TRIM24: variants seen among roughly 807,000 people sequenced by gnomAD.
TRIM24 encodes tripartite motif containing 24.
Under a neutral mutation model 123.9 loss-of-function variants are expected in TRIM24, and 29 were observed. The observed-to-expected ratio is 0.23, with a 90% CI of 0.17 to 0.32. The LOEUF (loss-of-function observed/expected upper bound fraction) is 0.32. Ranked by LOEUF, TRIM24 falls within the 10% of genes least tolerant of loss-of-function variation. TRIM24 has a pLI of 1.00. For missense variants in TRIM24, 932 were observed against 1,295.3 expected (o/e 0.72, Z 4.31); for synonymous variants, 456 against 461.1 (o/e 0.99, Z 0.14).
Position 138,554,355 on chromosome 7 carries a change from TCAAA to T in TRIM24, c.1262-340_1262-337del, listed in dbSNP as rs1022983162. Among the ~76,000 whole-genome samples the T allele has an allele frequency of 3.3e-5, 5 of 152,228 alleles. No homozygotes were observed. The highest frequency in any genetic ancestry group is 6.5e-5 in the Admixed American group (1 of 15,282). ...TGATTTCAGCTATTAAGCCAGACAT[TCAAA>T]CAGATTTTTTAAAACATCAAACAGT... On this transcript the variant is annotated intron_variant, in intron 8 of 18. Coordinates refer to ENST00000343526, the MANE Select transcript of TRIM24 (RefSeq NM_015905.3). The surrounding 1 kb of genome is among the most constrained non-coding windows in gnomAD (Gnocchi z 4.5).
intron 1 of TRIM24, among the ~76,000 whole-genome samples, chr7:138,464,033 C>G (rs1353221806): frequency 1.3e-5 from 1 of 77,560 alleles, no homozygotes; most frequent in Non-Finnish European, 2.4e-5. Flanking sequence ...CTCGCTCTGT[C>G]GCCCGGGCTG....
At position 138,463,046 on chromosome 7, in the gene TRIM24, T is replaced by G. The variant is rs867089890; in HGVS notation, c.364+2134T>G. 5.5e-3 allele frequency among the ~76,000 whole-genome samples: 656 copies of G among 118,556 alleles called. 2 individuals carry two copies. Among genetic ancestry groups the G allele is most frequent in the Middle Eastern group, 9.0e-3 (2 of 222 alleles). The allele number at this position is 118,556 out of a possible 152,430, so 77.8% of individuals were successfully genotyped here. ...CACCACGTCCGGCTAATTTTGTGTTTTTTTTTTTTTTTTTTTTTTTTTTGG... is the reference window on the plus strand; with the variant it reads ...CACCACGTCCGGCTAATTTTGTGTTGTTTTTTTTTTTTTTTTTTTTTTTGG... On this transcript the variant is annotated intron_variant, in intron 1 of 18. Transcript: ENST00000343526.
chr7:138,583,472 T>G (rs1797946476), intron 17 of TRIM24, among the ~76,000 whole-genome samples: 1 of 152,026 alleles, frequency 6.6e-6, no homozygotes, highest in African/African-American at 2.4e-5. Flanking sequence ...ATACAAAAAT[T>G]AGCCGGCTAT....
At chr7:138,570,735 G>T in intron 10 of TRIM24, 95 bp from the exon 11 acceptor site, 15 of 1,161,612 alleles carry the variant, frequency 1.3e-5, no homozygotes, top group Middle Eastern at 2.3e-4. Context: ...AATTACAGTT[G>T]AACTCTTCTA....
At chr7:138,521,610 AT>A (rs1191876900) in intron 4 of TRIM24, among the ~76,000 whole-genome samples, 1 of 152,336 alleles carries the variant, frequency 6.6e-6, no homozygotes, top group Middle Eastern at 3.4e-3. Context: ...ATATACTATA[AT>A]TATACTAAGT....
intron 2 of TRIM24, among the ~76,000 whole-genome samples, chr7:138,510,402 GT>G (rs919327660): frequency 1.3e-5 from 2 of 151,670 alleles, no homozygotes; most frequent in African/African-American, 2.4e-5. Flanking sequence ...TGTGTGTGTG[GT>G]TTTTTTTGTT....
chr7:138,568,423 G>C (rs915244359), intron 10 of TRIM24, among the ~76,000 whole-genome samples: 5 of 98,022 alleles, frequency 5.1e-5, no homozygotes, highest in African/African-American at 1.9e-4. Flanking sequence ...GTCTCTCTCT[G>C]TCACTCAGGC....
chr7:138,492,043 G>T (rs1376686090), intron 1 of TRIM24, among the ~76,000 whole-genome samples: 1 of 151,222 alleles, frequency 6.6e-6, no homozygotes, highest in African/African-American at 2.4e-5. Context: ...TGGTGGCAGG[G>T]TCACTTGAGC....
At chr7:138,468,537 G>T (rs560122770) in intron 1 of TRIM24, among the ~76,000 whole-genome samples, 1 of 151,734 alleles carries the variant, frequency 6.6e-6, no homozygotes, top group Non-Finnish European at 1.5e-5. Flanking sequence ...AAAGTATCTC[G>T]TAGATAGCGT....
chr7:138,477,737 A>C (rs1355687405), intron 1 of TRIM24, among the ~76,000 whole-genome samples: 1 of 152,198 alleles, frequency 6.6e-6, no homozygotes, highest in Non-Finnish European at 1.5e-5. Flanking sequence ...TACTTGTGGT[A>C]ATATCATTAG....
At chr7:138,465,611 A>C (rs1795118484) in intron 1 of TRIM24, among the ~76,000 whole-genome samples, 1 of 152,250 alleles carries the variant, frequency 6.6e-6, no homozygotes, top group African/African-American at 2.4e-5. Flanking sequence ...GCAGTATACA[A>C]GATACGTAAC....
intron 14 of TRIM24, 42 bp from the exon 15 acceptor site, chr7:138,579,162 T>A (rs185907388): frequency 2.0e-6 from 3 of 1,490,682 alleles, no homozygotes; most frequent in East Asian, 2.3e-5. Context: ...AGTGATAAAA[T>A]TTTTTTTAAA....
chr7:138,541,363 G>A (rs141504227), intron 7 of TRIM24, among the ~76,000 whole-genome samples: 538 of 152,138 alleles, frequency 3.5e-3, no homozygotes, highest in African/African-American at 0.012. Context: ...TTGTGTTAGC[G>A]GGCATGAAAA....
At position 138,504,759 on chromosome 7, in the gene TRIM24, CT is replaced by C. The variant is rs1236550490; in HGVS notation, c.483+352del. Among the ~76,000 whole-genome samples, 3 of 149,446 alleles carry C rather than the reference CT, an allele frequency of 2.0e-5. No individual in the cohort carries two copies. The East Asian group carries it at 5.8e-4, about 29-fold the overall frequency. ...ACAGGCGTGAGCCACCGCACCTGGC[CT>C]CTTTTTTTTTTTTTAATTGAGATGG... On this transcript the variant is annotated intron_variant, in intron 2 of 18. Coordinates refer to ENST00000343526, the MANE Select transcript of TRIM24 (RefSeq NM_015905.3).
At chr7:138,488,588 C>T (rs1356864820) in intron 1 of TRIM24, among the ~76,000 whole-genome samples, 1 of 152,154 alleles carries the variant, frequency 6.6e-6, no homozygotes, top group Non-Finnish European at 1.5e-5. Context: ...TTTATTTCTG[C>T]CTTCATTTTG....
At chr7:138,465,427 C>G (rs1028649917) in intron 1 of TRIM24, among the ~76,000 whole-genome samples, 1 of 152,176 alleles carries the variant, frequency 6.6e-6, no homozygotes, top group African/African-American at 2.4e-5. Context: ...TACTGTTCAG[C>G]TAATGAGTAG....
At chr7:138,541,226 C>A (rs1356338098) in intron 7 of TRIM24, among the ~76,000 whole-genome samples, 1 of 151,976 alleles carries the variant, frequency 6.6e-6, no homozygotes, top group Non-Finnish European at 1.5e-5. Flanking sequence ...AGGCAGGAGG[C>A]TCACTTGAGG....
rs537978666 is a variant in TRIM24 at position 138,515,423 on chromosome 7, A to G, written c.631+64A>G. 7.0e-6 allele frequency: 11 copies of G among 1,562,620 alleles called. 1 individual carries two copies. In the South Asian group the frequency reaches 1.2e-4, roughly 16 times the overall value. ...TTCCCCGTCTTTTCTTCCTTCCTGT[A>G]TTGACTTGTTTTGACACATTTGTTT... On this transcript the variant is annotated intron_variant, in intron 3 of 18. Coordinates refer to ENST00000343526, the MANE Select transcript of TRIM24 (RefSeq NM_015905.3).
chr7:138,504,901 C>T (rs1258173755), intron 2 of TRIM24, among the ~76,000 whole-genome samples: 2 of 151,962 alleles, frequency 1.3e-5, no homozygotes, highest in Admixed American at 6.6e-5. Context: ...GCTGGGATTA[C>T]AGGTGTGTGC....
Sources: allele counts gnomAD v4.1 joint callset (sites outside exome capture counted in the v4.1 genomes callset), GRCh38; gene constraint gnomAD v4.1.1; non-coding constraint Gnocchi (gnomAD v3.1); transcripts MANE v1.5; gene names NCBI Gene and HGNC (gene_info 2026-07-23, HGNC 2026-07-21).